The following PARD3 variants were observed in gnomAD, a reference collection of about 807,000 sequenced individuals.
PARD3 encodes the protein par-3 family cell polarity regulator.
PARD3 carries 75 observed loss-of-function variants against 155.4 expected under a neutral mutation model. The ratio of observed to expected loss-of-function variants is 0.48; its 90% CI spans 0.40 to 0.58. The LOEUF is 0.58. Ranked by LOEUF, PARD3 falls within the 20% of genes least tolerant of loss-of-function variation. The pLI is 0.00. For synonymous variants in PARD3, 576 were observed against 610.5 expected (o/e 0.94, Z 0.83); for missense variants, 1,642 against 1,721.7 (o/e 0.95, Z 0.82).
At chr10:34,548,637 A>G (rs2084299463) in intron 2 of PARD3, among the ~76,000 whole-genome samples, 1 of 152,156 alleles carries the variant, frequency 6.6e-6, no homozygotes, top group Non-Finnish European at 1.5e-5. Flanking sequence ...CAGTCACTCA[A>G]TGAATGTGGT....
chr10:34,355,620 A>T (rs1838713608), intron 14 of PARD3, among the ~76,000 whole-genome samples: 1 of 151,994 alleles, frequency 6.6e-6, no homozygotes, highest in South Asian at 2.1e-4. Flanking sequence ...GCTAGGGAGC[A>T]AGAGCAGAGT....
chr10:34,443,213 C>T (rs2076559971), intron 5 of PARD3, among the ~76,000 whole-genome samples: 2 of 152,142 alleles, frequency 1.3e-5, no homozygotes, highest in African/African-American at 4.8e-5. Flanking sequence ...AAAAAACTGC[C>T]TCCATAAAAC....
intron 14 of PARD3, among the ~76,000 whole-genome samples, chr10:34,348,987 A>C (rs1216324169): frequency 1.0e-5 from 1 of 98,646 alleles, no homozygotes; most frequent in Non-Finnish European, 1.9e-5. Context: ...CCTTCAAACA[A>C]ATCTGTTTTA....
At chr10:34,402,820 G>A (rs1419309054) in intron 5 of PARD3, among the ~76,000 whole-genome samples, 1 of 152,166 alleles carries the variant, frequency 6.6e-6, no homozygotes, top group African/African-American at 2.4e-5. Flanking sequence ...AAAGGTGCAT[G>A]TGGAATAAAC....
intron 24 of PARD3, among the ~76,000 whole-genome samples, chr10:34,112,295 C>T (rs920573616): frequency 2.1e-4 from 32 of 152,174 alleles, no homozygotes; most frequent in Admixed American, 1.3e-3. Context: ...CTTTCTGTCA[C>T]CCCAGGATAG....
intron 5 of PARD3, among the ~76,000 whole-genome samples, chr10:34,405,086 A>G (rs1323389295): frequency 1.4e-5 from 1 of 72,314 alleles, no homozygotes; most frequent in African/African-American, 3.2e-5. Flanking sequence ...ACAAACACAC[A>G]CACACACACA....
intron 22 of PARD3, among the ~76,000 whole-genome samples, chr10:34,255,153 C>A (rs77413297): frequency 0.032 from 4,803 of 152,142 alleles, 244 homozygotes; most frequent in African/African-American, 0.11. Flanking sequence ...AGATCTCCCT[C>A]CTTTCTGCCA....
At chr10:34,168,920 T>C (rs532397660) in intron 22 of PARD3, among the ~76,000 whole-genome samples, 13 of 152,368 alleles carry the variant, frequency 8.5e-5, no homozygotes, top group African/African-American at 2.9e-4. Flanking sequence ...CCACTTTCTA[T>C]ACTGGATTGC....
rs146646695 is a variant in PARD3, at chr10:34,778,340, G to C, written c.120+36536C>G. Among the ~76,000 whole-genome samples the C allele has an allele frequency of 5.3e-5, 8 of 152,292 alleles. No homozygotes were observed. In the East Asian group the frequency reaches 9.7e-4, roughly 18 times the overall value. On this transcript the variant is annotated intron_variant, in intron 1 of 24. Transcript: ENST00000374788. Reference sequence around the variant, plus strand: ...GGCCAAGGACAGAAATGAGGCAAAGGCTGGTTCAAATCCACTTGTTTGGCA... The same window carrying C: ...GGCCAAGGACAGAAATGAGGCAAAGCCTGGTTCAAATCCACTTGTTTGGCA...
At chr10:34,490,899 T>C (rs2079855941) in intron 3 of PARD3, among the ~76,000 whole-genome samples, 1 of 152,190 alleles carries the variant, frequency 6.6e-6, no homozygotes, top group Non-Finnish European at 1.5e-5. Flanking sequence ...TACTGAAAAT[T>C]TGGTCTAGGA....
chr10:34,684,878 TACACACAC>T lies in PARD3; in HGVS notation c.222+11432_222+11439del, dbSNP rs57035644. On this transcript the variant is annotated intron_variant, in intron 2 of 24. Coordinates refer to ENST00000374788, the MANE Select transcript of PARD3 (RefSeq NM_001184785.2). ...ATACATGTATATATATACACACACA[TACACACAC>T]ACACACACACACACACACACACACA... 2.4e-3 allele frequency among the ~76,000 whole-genome samples: 335 copies of T among 137,882 alleles called. 1 individual carries two copies. Among genetic ancestry groups the T allele is most frequent in the South Asian group, 0.019 (77 of 4,162 alleles). 90.5% of individuals were successfully genotyped at this position (137,882 alleles called of 152,430 possible).
intron 22 of PARD3, among the ~76,000 whole-genome samples, chr10:34,211,756 G>C (rs1588777632): frequency 6.6e-6 from 1 of 151,840 alleles, no homozygotes; most frequent in East Asian, 1.9e-4. Flanking sequence ...CTCCAGCCTG[G>C]GTGACAGAGC....
At chr10:34,813,659 A>G (rs764595257) in intron 1 of PARD3, among the ~76,000 whole-genome samples, 19 of 152,238 alleles carry the variant, frequency 1.2e-4, no homozygotes, top group Non-Finnish European at 2.2e-4. Context: ...AAGCAAAACA[A>G]AAGTCTAAAA....
intron 2 of PARD3, among the ~76,000 whole-genome samples, chr10:34,582,809 G>C (rs2087617053): frequency 6.6e-6 from 1 of 152,234 alleles, no homozygotes; most frequent in South Asian, 2.1e-4. Context: ...GCTTTAAGAA[G>C]TTAAAGACAA....
intron 1 of PARD3, among the ~76,000 whole-genome samples, chr10:34,762,489 T>G (rs1425371833): frequency 8.4e-6 from 1 of 119,416 alleles, no homozygotes; most frequent in East Asian, 2.2e-4. Context: ...TTTTTTTTTT[T>G]GTAGAGATGG....
intron 1 of PARD3, among the ~76,000 whole-genome samples, chr10:34,697,297 T>C (rs908838520): frequency 1.3e-5 from 2 of 152,206 alleles, no homozygotes; most frequent in African/African-American, 4.8e-5. Context: ...CCCTACTGCT[T>C]TCATTCTGCA....
rs372884282 is a variant in PARD3, at chr10:34,439,868, A to G, written c.714+10449T>C. On this transcript the variant is annotated intron_variant, in intron 5 of 24. Coordinates refer to ENST00000374788, the MANE Select transcript of PARD3 (RefSeq NM_001184785.2). ...ACTTTAATTTCTTTATAATTTGTTC[A>G]GCTATTTAAAAAGATAATCCACAAT... 1.5e-4 allele frequency among the ~76,000 whole-genome samples: 23 copies of G among 152,332 alleles called. No individual in the cohort carries two copies. The East Asian group carries it at 3.7e-3, about 24-fold the overall frequency.
In PARD3 at chr10:34,682,257, G is replaced by A. The variant is rs115119289; in HGVS notation, c.222+14061C>T. ...CAAGCAGTATAGCACACATTCAGACGCAAGGAACTTCAGAATTCTTGCGTG... is the reference window on the plus strand; with the variant it reads ...CAAGCAGTATAGCACACATTCAGACACAAGGAACTTCAGAATTCTTGCGTG... On this transcript the variant is annotated intron_variant, in intron 2 of 24. Coordinates refer to ENST00000374788, the MANE Select transcript of PARD3 (RefSeq NM_001184785.2). Among the ~76,000 whole-genome samples, 334 of 148,786 alleles carry A rather than the reference G, an allele frequency of 2.2e-3. 3 individuals are homozygous for A. Among genetic ancestry groups the A allele is most frequent in the African/African-American group, 8.3e-3 (317 of 38,314 alleles).
chr10:34,114,582 T>C (rs1292696633), intron 24 of PARD3, among the ~76,000 whole-genome samples: 1 of 152,190 alleles, frequency 6.6e-6, no homozygotes, highest in Non-Finnish European at 1.5e-5. Context: ...TGAACTCAAG[T>C]GATCTGCCGA....
Sources: allele counts gnomAD v4.1 joint callset (sites outside exome capture counted in the v4.1 genomes callset), GRCh38; gene constraint gnomAD v4.1.1; transcripts MANE v1.5; gene names NCBI Gene and HGNC (gene_info 2026-07-23, HGNC 2026-07-21).